The following SLC36A1 variants were observed in gnomAD, a reference collection of about 807,000 sequenced individuals.
SLC36A1 encodes proton-coupled amino acid transporter 1.
SLC36A1 carries 30 observed loss-of-function variants against 47.5 expected under a neutral mutation model. The ratio of observed to expected loss-of-function variants is 0.63; its 90% CI spans 0.47 to 0.86. The LOEUF (loss-of-function observed/expected upper bound fraction) is 0.86. Ranked by LOEUF, SLC36A1 falls within the 40% of genes least tolerant of loss-of-function variation. SLC36A1 has a pLI of 0.00. For synonymous variants in SLC36A1, 255 were observed against 249.7 expected (o/e 1.02, Z -0.20); for missense variants, 517 against 606.0 (o/e 0.85, Z 1.54).
At chr5:151,388,447 G>A in the SLC36A1 span, among the ~76,000 whole-genome samples, 1 of 141,838 alleles carries the variant, frequency 7.1e-6, no homozygotes, top group Non-Finnish European at 1.5e-5. Context: ...CTTGTGGTAA[G>A]CCTAGATGGC....
the SLC36A1 span, chr5:151,527,918 G>A: frequency 1.6e-5 from 25 of 1,546,632 alleles, no homozygotes; most frequent in Middle Eastern, 2.3e-4. Flanking sequence ...TCTTGACAGC[G>A]ATTCATCTTC....
the SLC36A1 span, chr5:151,531,959 G>A: frequency 1.2e-6 from 2 of 1,614,172 alleles, no homozygotes; most frequent in Non-Finnish European, 1.7e-6. The surrounding 1 kb of genome is among the most constrained non-coding windows in gnomAD (Gnocchi z 5.7). Context: ...TAAACCACCT[G>A]GGCATTGGCG....
the SLC36A1 span, among the ~76,000 whole-genome samples, chr5:151,346,460 A>G: frequency 6.6e-6 from 1 of 151,870 alleles, no homozygotes; most frequent in Non-Finnish European, 1.5e-5. Context: ...TCACACTGCC[A>G]CCTGTTTTGC....
the SLC36A1 span, among the ~76,000 whole-genome samples, chr5:151,370,645 C>A: frequency 6.6e-6 from 1 of 152,200 alleles, no homozygotes; most frequent in East Asian, 1.9e-4. Context: ...ATTATAATAT[C>A]AAATCTGTAC....
At chr5:151,421,571 T>TC in the SLC36A1 span, among the ~76,000 whole-genome samples, 1 of 148,858 alleles carries the variant, frequency 6.7e-6, no homozygotes, top group East Asian at 2.0e-4. Context: ...TTTTTCTTTT[T>TC]CTTTCTTTCT....
the SLC36A1 span, among the ~76,000 whole-genome samples, chr5:151,399,834 G>A: frequency 1.3e-5 from 2 of 152,158 alleles, no homozygotes; most frequent in Non-Finnish European, 2.9e-5. Flanking sequence ...CATACACATA[G>A]TAAGGGATCA....
the SLC36A1 span, among the ~76,000 whole-genome samples, chr5:151,353,832 T>C: frequency 3.9e-5 from 6 of 152,338 alleles, no homozygotes; most frequent in Non-Finnish European, 7.4e-5. Context: ...GCCTTACAGA[T>C]TGTCTTCTTT....
At chr5:151,507,543 TC>T in the SLC36A1 span, 2 of 1,613,558 alleles carry the variant, frequency 1.2e-6, no homozygotes, top group Non-Finnish European at 1.7e-6. Context: ...CTGCCCCCAG[TC>T]CCCCCTTTGG....
At chr5:151,445,780 A>G (rs1475532600), upstream of SLC36A1, among the ~76,000 whole-genome samples, 1 of 152,160 alleles carries the variant, frequency 6.6e-6, no homozygotes, top group African/African-American at 2.4e-5. Flanking sequence ...TTGGCAAATA[A>G]TTGTTCACAA....
At chr5:151,520,709 A>G in the SLC36A1 span, among the ~76,000 whole-genome samples, 11 of 152,224 alleles carry the variant, frequency 7.2e-5, no homozygotes, top group Non-Finnish European at 1.0e-4. Flanking sequence ...GGGTTTTAAC[A>G]ATACACCCAA....
chr5:151,353,546 A>G, the SLC36A1 span, among the ~76,000 whole-genome samples: 6 of 152,200 alleles, frequency 3.9e-5, no homozygotes, highest in South Asian at 1.2e-3. Flanking sequence ...CATTTGTTAC[A>G]TCAGTGAACC....
chr5:151,397,865 T>G, the SLC36A1 span, among the ~76,000 whole-genome samples: 1 of 150,480 alleles, frequency 6.6e-6, no homozygotes, highest in Non-Finnish European at 1.5e-5. Context: ...GTCTATAATC[T>G]CAGTGCTTTG....
chr5:151,354,577 C>G, the SLC36A1 span, among the ~76,000 whole-genome samples: 1 of 152,152 alleles, frequency 6.6e-6, no homozygotes, highest in African/African-American at 2.4e-5. Context: ...GATGGGGAAA[C>G]TGAAGCACAC....
chr5:151,375,274 A>G, the SLC36A1 span, among the ~76,000 whole-genome samples: 4 of 152,146 alleles, frequency 2.6e-5, no homozygotes, highest in Non-Finnish European at 5.9e-5. Context: ...ATTCCTCTGA[A>G]TATGGCAATC....
chr5:151,485,156 C>G (rs188260136), intron 10 of SLC36A1, among the ~76,000 whole-genome samples: 2 of 152,194 alleles, frequency 1.3e-5, no homozygotes, highest in South Asian at 2.1e-4. Flanking sequence ...TATTTAGAAG[C>G]AGCTAAGGGC....
Position 151,488,158 on chromosome 5 carries a change from C to T in SLC36A1, c.1335C>T (p.Phe445=), listed in dbSNP as rs78441677. Residue 445 remains phenylalanine, a synonymous_variant, in exon 11 of 11, where the codon TTC becomes TTT. Transcript: ENST00000243389. ...ACGCCCTGATCAGCATCCTGGGCTT[C>T]GTGGGCTTTGTGGTGGGGACCTATG... is the stretch of plus-strand genomic sequence containing the variant. ...FKDALISILG[F]VGFVVGTYEA... 0.051 allele frequency: 82,185 copies of T among 1,614,114 alleles called. 2,269 individuals carry two copies. The highest frequency in any genetic ancestry group is 0.053 in the Non-Finnish European group (62,887 of 1,180,020).
chr5:151,464,957 G>C (rs1756120679), intron 4 of SLC36A1, 117 bp from the exon 5 acceptor site: 1 of 777,230 alleles, frequency 1.3e-6, no homozygotes. Flanking sequence ...GACTCAGAGT[G>C]GTACCTCCAG....
chr5:151,465,738 G>C (rs1475208182), intron 5 of SLC36A1, among the ~76,000 whole-genome samples: 1 of 152,190 alleles, frequency 6.6e-6, no homozygotes, highest in East Asian at 1.9e-4. Flanking sequence ...GGCTGTGCCA[G>C]ATGAGAAACG....
At chr5:151,549,156 G>C in the SLC36A1 span, 11 of 728,658 alleles carry the variant, frequency 1.5e-5, no homozygotes, top group Middle Eastern at 4.0e-4. Context: ...GGTAGTCCCA[G>C]GGAATGCTCT....
Sources: allele counts gnomAD v4.1 joint callset (sites outside exome capture counted in the v4.1 genomes callset), GRCh38; gene constraint gnomAD v4.1.1; non-coding constraint Gnocchi (gnomAD v3.1); transcripts MANE v1.5; gene names NCBI Gene and HGNC (gene_info 2026-07-23, HGNC 2026-07-21).